LRRTM3: variants seen among roughly 807,000 people sequenced by gnomAD.
LRRTM3 encodes the protein leucine rich repeat transmembrane neuronal 3.
Under a neutral mutation model 44.7 loss-of-function variants are expected in LRRTM3, and 24 were observed. The ratio of observed to expected loss-of-function variants is 0.54; its 90% CI spans 0.39 to 0.76. The LOEUF (loss-of-function observed/expected upper bound fraction) is 0.76. Among genes scored for constraint, LRRTM3 ranks in the 30% least tolerant of loss-of-function variants. The pLI is 0.00. For synonymous variants in LRRTM3, 277 were observed against 278.7 expected (o/e 0.99, Z 0.06); for missense variants, 587 against 702.2 (o/e 0.84, Z 1.85).
At chr10:66,926,896 TTTTC>T (rs1847112985) in intron 1 of LRRTM3, 21 bp from the exon 2 acceptor site, 2 of 1,534,798 alleles carry the variant, frequency 1.3e-6, no homozygotes, top group African/African-American at 2.8e-5. Flanking sequence ...GGGGGATAAC[TTTTC>T]TAAGTTGTTT....
At chr10:67,013,644 T>C (rs1356350869) in intron 2 of LRRTM3, among the ~76,000 whole-genome samples, 1 of 152,170 alleles carries the variant, frequency 6.6e-6, no homozygotes, top group African/African-American at 2.4e-5. Flanking sequence ...GTATTAAAAG[T>C]ATTAATACCA....
chr10:67,010,391 CT>C (rs1347965791), intron 2 of LRRTM3, among the ~76,000 whole-genome samples: 1 of 151,920 alleles, frequency 6.6e-6, no homozygotes, highest in African/African-American at 2.4e-5. Context: ...TATCATTTAC[CT>C]TTGAAAATAA....
rs1491481692 is a variant in LRRTM3 at position 66,957,414 on chromosome 10, GCA to G, written c.1536+28963_1536+28964del. On this transcript the variant is annotated intron_variant, in intron 2 of 2. Coordinates refer to ENST00000361320, the MANE Select transcript of LRRTM3 (RefSeq NM_178011.5). ...TATACATATATATATATATATATAT[GCA>G]TATATATATATGCATATATATATAT... Among the ~76,000 whole-genome samples, 88 of 25,272 alleles carry G rather than the reference GCA, an allele frequency of 3.5e-3. 5 individuals are homozygous for G. In the East Asian group the frequency reaches 0.054, roughly 16 times the overall value. The allele number at this position is 25,272 out of a possible 152,430, so 16.6% of individuals were successfully genotyped here.
At chr10:66,980,480 C>T (rs74536502) in intron 2 of LRRTM3, among the ~76,000 whole-genome samples, 58 of 130,000 alleles carry the variant, frequency 4.5e-4, no homozygotes, top group Middle Eastern at 3.8e-3. Context: ...CAGAATTGAA[C>T]AGGAACCAAA....
Position 66,931,848 on chromosome 10 carries a change from A to G in LRRTM3, c.1536+3396A>G, listed in dbSNP as rs375517134. 2.5e-4 allele frequency among the ~76,000 whole-genome samples: 38 copies of G among 152,348 alleles called. 4 individuals carry two copies. In the South Asian group the frequency reaches 7.5e-3, roughly 30 times the overall value. On this transcript the variant is annotated intron_variant, in intron 2 of 2. Coordinates refer to ENST00000361320, the MANE Select transcript of LRRTM3 (RefSeq NM_178011.5). ...AATAAGAATAGATAAGAAATATTTT[A>G]GAGTGCTTATACTCATCGATGCTGG...
intron 2 of LRRTM3, among the ~76,000 whole-genome samples, chr10:67,016,277 G>T (rs933278306): frequency 6.6e-6 from 1 of 152,320 alleles, no homozygotes; most frequent in Admixed American, 6.5e-5. Flanking sequence ...AATGTACTGA[G>T]GAAGTTGGCA....
At chr10:66,961,787 A>T (rs1849120266) in intron 2 of LRRTM3, among the ~76,000 whole-genome samples, 1 of 152,154 alleles carries the variant, frequency 6.6e-6, no homozygotes, top group African/African-American at 2.4e-5. Context: ...TTTCAAACTT[A>T]ATACATGCAA....
chr10:67,079,412 T>G (rs1856918019), intron 2 of LRRTM3, among the ~76,000 whole-genome samples: 1 of 152,194 alleles, frequency 6.6e-6, no homozygotes, highest in African/African-American at 2.4e-5. Context: ...GCAATCTACA[T>G]AAAACATTTA....
At chr10:67,053,768 G>T (rs1313639107) in intron 2 of LRRTM3, among the ~76,000 whole-genome samples, 1 of 152,126 alleles carries the variant, frequency 6.6e-6, no homozygotes, top group Non-Finnish European at 1.5e-5. Flanking sequence ...TCTGCTAAAG[G>T]AATTGCAAGA....
chr10:66,963,910 T>C (rs1486268759), intron 2 of LRRTM3, among the ~76,000 whole-genome samples: 2 of 151,618 alleles, frequency 1.3e-5, no homozygotes, highest in Admixed American at 6.6e-5. Context: ...TGGCGCAATC[T>C]CGGTTCACTG....
intron 2 of LRRTM3, among the ~76,000 whole-genome samples, chr10:67,003,987 T>C (rs1377392171): frequency 2.0e-5 from 3 of 152,164 alleles, no homozygotes; most frequent in Non-Finnish European, 4.4e-5. Context: ...GGACTTATAT[T>C]CTGAAGCAAC....
At chr10:67,094,944 C>T (rs1305594658) in intron 2 of LRRTM3, among the ~76,000 whole-genome samples, 1 of 151,276 alleles carries the variant, frequency 6.6e-6, no homozygotes, top group Non-Finnish European at 1.5e-5. Context: ...TGATGTATCA[C>T]CAAAATTTGC....
intron 2 of LRRTM3, among the ~76,000 whole-genome samples, chr10:67,085,334 C>T (rs1356143627): frequency 3.3e-5 from 5 of 151,408 alleles, no homozygotes; most frequent in Admixed American, 2.0e-4. Flanking sequence ...ATACTACATC[C>T]TATGAAATAA....
intron 2 of LRRTM3, among the ~76,000 whole-genome samples, chr10:67,007,043 T>G (rs1231701868): frequency 6.6e-6 from 1 of 152,110 alleles, no homozygotes; most frequent in African/African-American, 2.4e-5. Context: ...TGATCCACCC[T>G]GCTCAGCCTC....
At chr10:66,990,022 T>G (rs1850957610) in intron 2 of LRRTM3, among the ~76,000 whole-genome samples, 1 of 152,176 alleles carries the variant, frequency 6.6e-6, no homozygotes, top group African/African-American at 2.4e-5. Flanking sequence ...CGAAGAGAAA[T>G]GCAATAATAA....
chr10:67,012,559 T>C (rs1852404825), intron 2 of LRRTM3, among the ~76,000 whole-genome samples: 1 of 152,190 alleles, frequency 6.6e-6, no homozygotes, highest in African/African-American at 2.4e-5. Flanking sequence ...TTGTTCTTTT[T>C]CATCTTAGAA....
At chr10:66,939,740 C>T (rs554020287) in intron 2 of LRRTM3, among the ~76,000 whole-genome samples, 7 of 152,166 alleles carry the variant, frequency 4.6e-5, no homozygotes, top group Admixed American at 2.0e-4. Context: ...TTGGAACATA[C>T]GTGATAAACA....
chr10:66,930,372 G>A (rs918598093), intron 2 of LRRTM3, among the ~76,000 whole-genome samples: 5 of 152,152 alleles, frequency 3.3e-5, no homozygotes, highest in South Asian at 2.1e-4. Context: ...CTTACTGGAT[G>A]ACTGAGCTTA....
chr10:67,097,577 T>G lies in LRRTM3; in HGVS notation c.1537-10T>G, dbSNP rs1271101622. On this transcript the variant is annotated splice_polypyrimidine_tract_variant and intron_variant, in intron 2 of 2. Coordinates refer to ENST00000361320, the MANE Select transcript of LRRTM3 (RefSeq NM_178011.5). ...TTATAACTGACTTTTCTCATGTCAT[T>G]TTTCCCCAGATACCTTTATCAATGA... The G allele has an allele frequency of 6.2e-7, 1 of 1,611,002 alleles. No individual in the cohort carries two copies. Among genetic ancestry groups the G allele is most frequent in the Non-Finnish European group, 8.5e-7 (1 of 1,178,038 alleles).
Sources: gnomAD v4.1 joint callset for allele counts (sites outside exome capture counted in the v4.1 genomes callset) on GRCh38, gnomAD v4.1.1 for gene constraint, MANE v1.5 for transcripts, NCBI Gene and HGNC (gene_info 2026-07-23, HGNC 2026-07-21) for gene names.